Variants in CSNK1A1 observed in about 807,000 individuals in gnomAD.
CSNK1A1 encodes the protein casein kinase I isoform alpha.
CSNK1A1 carries 7 observed loss-of-function variants against 46.1 expected under a neutral mutation model. That is an observed-to-expected ratio of 0.15 (90% confidence interval 0.09 to 0.29). The LOEUF (loss-of-function observed/expected upper bound fraction) is 0.29, where lower values mean the gene tolerates loss of function less well. CSNK1A1 is among the 10% of genes least tolerant of loss of function. The pLI, the probability that CSNK1A1 is intolerant of heterozygous loss-of-function variation, is 1.00. For synonymous variants in CSNK1A1, 137 were observed against 141.5 expected, an observed-to-expected ratio of 0.97 and a Z score of 0.23; for missense variants, 96 against 417.1, an observed-to-expected ratio of 0.23 and a Z score of 6.71.
intron 7 of CSNK1A1, among the ~76,000 whole-genome samples, chr5:149,509,526 G>A (rs1357067782): frequency 1.3e-5 from 2 of 152,190 alleles, no homozygotes; most frequent in Non-Finnish European, 2.9e-5. Context: ...TCAGGCTCCT[G>A]AGTAGCTGGG....
At chr5:149,506,753 C>G (rs1761045126) in intron 8 of CSNK1A1, among the ~76,000 whole-genome samples, 1 of 152,152 alleles carries the variant, frequency 6.6e-6, no homozygotes, top group Non-Finnish European at 1.5e-5. Flanking sequence ...GCACTGACAG[C>G]CACTTATATC....
chr5:149,519,792 C>A (rs1437479972), intron 4 of CSNK1A1, among the ~76,000 whole-genome samples: 1 of 152,142 alleles, frequency 6.6e-6, no homozygotes, highest in African/African-American at 2.4e-5. Flanking sequence ...TACACAAATT[C>A]AAGGACTGAA....
At chr5:149,535,677 T>C (rs1173336122) in intron 2 of CSNK1A1, among the ~76,000 whole-genome samples, 1 of 152,210 alleles carries the variant, frequency 6.6e-6, no homozygotes, top group East Asian at 1.9e-4. Context: ...AGTCTCACTG[T>C]TGCCCAGACT....
intron 2 of CSNK1A1, among the ~76,000 whole-genome samples, chr5:149,541,121 T>C (rs1762215247): frequency 2.0e-5 from 3 of 150,904 alleles, no homozygotes; most frequent in African/African-American, 7.3e-5. Flanking sequence ...AAAACATGCA[T>C]TAGTTTATGC....
chr5:149,539,086 C>G (rs1762151006), intron 2 of CSNK1A1, among the ~76,000 whole-genome samples: 1 of 152,106 alleles, frequency 6.6e-6, no homozygotes, highest in African/African-American at 2.4e-5. Context: ...AGGAATGCAT[C>G]TGAAACATGT....
intron 9 of CSNK1A1, chr5:149,500,947 TG>T (rs1034138132): frequency 1.0e-6 from 1 of 983,902 alleles, no homozygotes; most frequent in Non-Finnish European, 1.2e-6. Context: ...CAGACTGAAT[TG>T]TTTTGTCTTC....
chr5:149,505,004 A>G (rs938994821), intron 9 of CSNK1A1: 1 of 985,850 alleles, frequency 1.0e-6, no homozygotes, highest in African/African-American at 1.7e-5. Flanking sequence ...AACATGCAAA[A>G]TAAAAAATCT....
chr5:149,549,246 G>T, intron 2 of CSNK1A1: 1 of 492,224 alleles, frequency 2.0e-6, no homozygotes, highest in Non-Finnish European at 3.7e-6. Context: ...TAACATAGTT[G>T]GTGCTGCTCA....
At chr5:149,549,564 G>A in intron 2 of CSNK1A1, 3 of 697,836 alleles carry the variant, frequency 4.3e-6, no homozygotes, top group Non-Finnish European at 7.9e-6. Context: ...CTGAGAAAAG[G>A]GCAGGAATAT....
chr5:149,517,964 A>T lies in CSNK1A1; in HGVS notation c.456+2326T>A. The T allele has an allele frequency of 1.2e-6, 1 of 811,062 alleles. No homozygotes were observed. Among genetic ancestry groups the T allele is most frequent in the Non-Finnish European group, 2.1e-6 (1 of 479,924 alleles). The allele number at this position is 811,062 out of a possible 1,614,324, so 50.2% of individuals were successfully genotyped here. A position where few individuals can be genotyped will look rare whatever the true frequency, so the allele number is the denominator to read the frequency against. On this transcript the variant is annotated intron_variant, in intron 4 of 9. Coordinates refer to ENST00000377843, the MANE Select transcript of CSNK1A1 (RefSeq NM_001892.6). This position sits in a 1 kb window ranked among gnomAD's most constrained non-coding sequence, Gnocchi z 4.4. ...CGGCGCAGACAGGCAACACCGAGGC[A>T]TTAGAGAAAGAACAGGGTAGCCAAA...
chr5:149,550,733 G>C lies in CSNK1A1; in HGVS notation c.123+109C>G. The C allele has an allele frequency of 6.8e-7, 1 of 1,477,344 alleles. No individual in the cohort carries two copies. The highest frequency in any genetic ancestry group is 9.2e-7 in the Non-Finnish European group (1 of 1,085,082). 91.5% of individuals were successfully genotyped at this position (1,477,344 alleles called of 1,614,324 possible). On this transcript the variant is annotated intron_variant, in intron 1 of 9. Transcript: ENST00000377843. This position sits in a 1 kb window ranked among gnomAD's most constrained non-coding sequence, Gnocchi z 4.3. The stretch of plus-strand genomic sequence containing the variant: ...GAAAACTAGCTCCCTGGACTCCCTG[G>C]CGAGTGCGTGCGATGAGGAGAGGCC...
intron 9 of CSNK1A1, chr5:149,501,596 T>G (rs1351094160): frequency 1.0e-6 from 1 of 985,242 alleles, no homozygotes. Flanking sequence ...GCTGTCTATA[T>G]TATTATGATA....
At position 149,544,737 on chromosome 5, in the gene CSNK1A1, T is replaced by TATATATA. The variant is rs1554118044; in HGVS notation, c.230+5337_230+5338insTATATAT. 1.3e-3 allele frequency among the ~76,000 whole-genome samples: 102 copies of TATATATA among 80,802 alleles called. 4 individuals are homozygous for TATATATA. Among genetic ancestry groups the TATATATA allele is most frequent in the African/African-American group, 3.3e-3 (51 of 15,332 alleles). 53.0% of individuals were successfully genotyped at this position (80,802 alleles called of 152,430 possible). On this transcript the variant is annotated intron_variant, in intron 2 of 9. Coordinates refer to ENST00000377843, the MANE Select transcript of CSNK1A1 (RefSeq NM_001892.6). ...GTGAGGATGATGAGGGTAAAGAGCT[T>TATATATA]TATATATATATATATATATATATAT...
chr5:149,534,267 G>T (rs1761984669), intron 2 of CSNK1A1, among the ~76,000 whole-genome samples: 1 of 151,556 alleles, frequency 6.6e-6, no homozygotes, highest in Non-Finnish European at 1.5e-5. Context: ...GAATCACAAG[G>T]TCAAGAGAGA....
At chr5:149,541,968 C>T (rs1429302179) in intron 2 of CSNK1A1, among the ~76,000 whole-genome samples, 1 of 73,500 alleles carries the variant, frequency 1.4e-5, no homozygotes, top group Non-Finnish European at 2.4e-5. Flanking sequence ...AAGACTGCAT[C>T]TCAAAAAAAA....
rs1126636 is a variant in CSNK1A1, at chr5:149,497,910, C to T, written c.1007-1050G>A. On this transcript the variant is annotated intron_variant, in intron 9 of 9. Transcript: ENST00000377843. ...GGGCAGTGGCATGATCTTGGCTCAC[C>T]GCAACCTCTGCCTCCTGGGTTCAAG... is the stretch of plus-strand genomic sequence containing the variant. 4.7e-3 allele frequency: 3,986 copies of T among 844,864 alleles called. 134 individuals carry two copies. The African/African-American group carries it at 0.066, about 14-fold the overall frequency. The allele number at this position is 844,864 out of a possible 1,614,324, so 52.3% of individuals were successfully genotyped here. A position where few individuals can be genotyped will look rare whatever the true frequency, so the allele number is the denominator to read the frequency against.
chr5:149,539,587 C>G (rs944589111), intron 2 of CSNK1A1, among the ~76,000 whole-genome samples: 1 of 151,750 alleles, frequency 6.6e-6, no homozygotes, highest in Non-Finnish European at 1.5e-5. Context: ...TATTAATATA[C>G]TATATTTTGG....
At chr5:149,544,765 A>ATATATATATATATATATATATATG (rs55977856) in intron 2 of CSNK1A1, among the ~76,000 whole-genome samples, 1 of 139,024 alleles carries the variant, frequency 7.2e-6, no homozygotes, top group African/African-American at 2.7e-5. Context: ...ATATATATAT[A>ATATATATATATATATATATATATG]GTTATTGACC....
intron 2 of CSNK1A1, among the ~76,000 whole-genome samples, chr5:149,544,737 T>TCATATATA (rs1554118044): frequency 1.2e-5 from 1 of 80,806 alleles, no homozygotes; most frequent in African/African-American, 6.5e-5. Context: ...GTAAAGAGCT[T>TCATATATA]TATATATATA....
Sources: allele counts gnomAD v4.1 joint callset (sites outside exome capture counted in the v4.1 genomes callset), GRCh38; gene constraint gnomAD v4.1.1; non-coding constraint Gnocchi (gnomAD v3.1); transcripts MANE v1.5; gene names NCBI Gene and HGNC (gene_info 2026-07-23, HGNC 2026-07-21).